USP37: variants seen among roughly 807,000 people sequenced by gnomAD.
USP37 encodes the protein ubiquitin carboxyl-terminal hydrolase 37.
Under a neutral mutation model 124.0 loss-of-function variants are expected in USP37, and 27 were observed. The ratio of observed to expected loss-of-function variants is 0.22; its 90% confidence interval spans 0.16 to 0.30. The LOEUF (loss-of-function observed/expected upper bound fraction) is 0.30. Among genes scored for constraint, USP37 ranks in the 10% least tolerant of loss-of-function variants. The pLI is 1.00. For missense variants in USP37, 889 were observed against 1,140.4 expected, an observed-to-expected ratio of 0.78 and a Z score of 3.17; for synonymous variants, 365 against 388.0, an observed-to-expected ratio of 0.94 and a Z score of 0.70.
intron 10 of USP37, among the ~76,000 whole-genome samples, chr2:218,510,533 C>T (rs529316594): frequency 2.0e-5 from 3 of 152,184 alleles, no homozygotes; most frequent in African/African-American, 7.2e-5. Flanking sequence ...TGAGAAATTC[C>T]TCTAGTTTAT....
chr2:218,538,366 T>C (rs73992512), intron 8 of USP37, among the ~76,000 whole-genome samples: 6,099 of 152,230 alleles, frequency 0.04, 395 homozygotes, highest in African/African-American at 0.14. Flanking sequence ...CGAGCAAGCC[T>C]GGAAGATTGG....
chr2:218,475,564 A>G (rs1009394768), intron 19 of USP37, among the ~76,000 whole-genome samples: 1 of 152,094 alleles, frequency 6.6e-6, no homozygotes, highest in Non-Finnish European at 1.5e-5. Flanking sequence ...GATAAACTCC[A>G]TCTCTACTAA....
At chr2:218,500,188 C>G (rs563763206) in intron 11 of USP37, among the ~76,000 whole-genome samples, 1 of 152,178 alleles carries the variant, frequency 6.6e-6, no homozygotes, top group Non-Finnish European at 1.5e-5. Context: ...AAGTCTCATG[C>G]CTCAGCCTCC....
chr2:218,542,013 G>C (rs1171844127), intron 8 of USP37, among the ~76,000 whole-genome samples: 1 of 152,044 alleles, frequency 6.6e-6, no homozygotes, highest in Non-Finnish European at 1.5e-5. Context: ...AACCAAAGAT[G>C]GTCCAGTATG....
chr2:218,529,905 G>GA (rs199820859), intron 10 of USP37, 51 bp downstream of exon 10: 30,977 of 1,367,948 alleles, frequency 0.023, 287 homozygotes, highest in East Asian at 0.053. Context: ...TCAATATTCT[G>GA]AAAAAAAAAG....
At chr2:218,505,473 C>A (rs907381577) in intron 11 of USP37, among the ~76,000 whole-genome samples, 2 of 152,202 alleles carry the variant, frequency 1.3e-5, no homozygotes, top group African/African-American at 4.8e-5. Flanking sequence ...GTAGAGTCCT[C>A]AGGAAGAGCA....
chr2:218,562,539 CAG>C (rs1693363378), intron 2 of USP37, 132 bp downstream of exon 2: 1 of 391,446 alleles, frequency 2.6e-6, no homozygotes, highest in South Asian at 1.4e-4. Flanking sequence ...CATCCTTAAT[CAG>C]AGAGCATTCA....
At chr2:218,503,326 C>T (rs1250101561) in intron 11 of USP37, among the ~76,000 whole-genome samples, 1 of 152,204 alleles carries the variant, frequency 6.6e-6, no homozygotes, top group East Asian at 1.9e-4. Flanking sequence ...AACAATAACA[C>T]CAAATAATAC....
At chr2:218,528,642 A>G in intron 10 of USP37, 2 of 413,814 alleles carry the variant, frequency 4.8e-6, no homozygotes, top group Non-Finnish European at 8.6e-6. Context: ...CATGGTATAT[A>G]TATGCCACAT....
chr2:218,560,851 G>C lies in USP37; in HGVS notation c.-56C>G, dbSNP rs1459309511. 1 of 152,176 alleles carries C rather than the reference G, an allele frequency of 6.6e-6. No individual in the cohort carries two copies. The highest frequency in any genetic ancestry group is 1.5e-5 in the Non-Finnish European group (1 of 68,036). The allele number at this position is 152,176 out of a possible 1,614,324, so 9.4% of individuals were successfully genotyped here. ...GCAGGATACAGTTTGGGGGCCCCTA[G>C]TTGGAGGTCTCTGGTTACTGTATGG... is the stretch of plus-strand genomic sequence containing the variant. On this transcript the variant is annotated 5_prime_UTR_variant, in exon 3 of 26. Transcript: ENST00000258399.
chr2:218,450,557 G>A lies in USP37; in HGVS notation c.*4373C>T, dbSNP rs1169935630. 1.3e-5 allele frequency: 2 copies of A among 152,640 alleles called. No homozygotes were observed. The highest frequency in any genetic ancestry group is 3.8e-4 in the East Asian group (2 of 5,202). 9.5% of individuals were successfully genotyped at this position (152,640 alleles called of 1,614,324 possible). On this transcript the variant is annotated 3_prime_UTR_variant, in exon 26 of 26. Transcript: ENST00000258399. ...TCCTTAAGTTTAAAGAAACAACAAT[G>A]ACAATAGGCCAGAGAAGTTAGGGAG...
intron 1 of USP37, among the ~76,000 whole-genome samples, chr2:218,563,357 C>T (rs12991539): frequency 0.034 from 5,202 of 152,210 alleles, 118 homozygotes; most frequent in East Asian, 0.12. Flanking sequence ...GAGCCTGCAC[C>T]TTGTTCAACT....
At chr2:218,487,737 T>C (rs1008693754) in intron 15 of USP37, among the ~76,000 whole-genome samples, 1 of 152,004 alleles carries the variant, frequency 6.6e-6, no homozygotes, top group Non-Finnish European at 1.5e-5. Context: ...ATTTCTAAGA[T>C]TGTCTAAATG....
At chr2:218,495,974 A>G (rs753914118) in intron 13 of USP37, 24 bp from the exon 14 acceptor site, 2 of 1,589,712 alleles carry the variant, frequency 1.3e-6, no homozygotes, top group Admixed American at 1.8e-5. Context: ...AATATCCTTA[A>G]TCAGATAAAA....
At chr2:218,495,605 G>C (rs1689041920) in intron 14 of USP37, among the ~76,000 whole-genome samples, 155 bp downstream of exon 14, 1 of 152,190 alleles carries the variant, frequency 6.6e-6, no homozygotes, top group Non-Finnish European at 1.5e-5. Flanking sequence ...GCAATAAGCT[G>C]GGGTTGTGCC....
At chr2:218,501,529 AT>A (rs1298262353) in intron 11 of USP37, among the ~76,000 whole-genome samples, 3 of 152,170 alleles carry the variant, frequency 2.0e-5, no homozygotes, top group Non-Finnish European at 4.4e-5. Context: ...GAAAACAGCT[AT>A]TTTCAGATAC....
At chr2:218,565,097 A>AT (rs1379845756) in intron 1 of USP37, among the ~76,000 whole-genome samples, 1 of 151,950 alleles carries the variant, frequency 6.6e-6, no homozygotes, top group Non-Finnish European at 1.5e-5. Context: ...AATTTTTGTA[A>AT]TTTTTTATAG....
At chr2:218,465,580 C>T (rs1281207481) in intron 21 of USP37, among the ~76,000 whole-genome samples, 3 of 152,060 alleles carry the variant, frequency 2.0e-5, no homozygotes, top group Non-Finnish European at 4.4e-5. Context: ...GAAACACTAC[C>T]CACGTACCTG....
intron 8 of USP37, among the ~76,000 whole-genome samples, chr2:218,539,183 T>G (rs1225948026): frequency 6.6e-6 from 1 of 151,956 alleles, no homozygotes; most frequent in Non-Finnish European, 1.5e-5. Flanking sequence ...GGTCTTGAAC[T>G]CCAGGACTCA....
Sources: gnomAD v4.1 joint callset for allele counts (sites outside exome capture counted in the v4.1 genomes callset) on GRCh38, gnomAD v4.1.1 for gene constraint, MANE v1.5 for transcripts, NCBI Gene and HGNC (gene_info 2026-07-23, HGNC 2026-07-21) for gene names.